LRMDA: variants seen among roughly 807,000 people sequenced by gnomAD.
The protein encoded by LRMDA is leucine rich melanocyte differentiation associated.
LRMDA carries 18 observed loss-of-function variants against 29.8 expected under a neutral mutation model. The observed-to-expected ratio is 0.60, with a 90% CI of 0.42 to 0.90. The LOEUF is 0.90. Ranked by LOEUF, LRMDA falls within the 40% of genes least tolerant of loss-of-function variation. The pLI, the probability that LRMDA is intolerant of heterozygous loss-of-function variation, is 0.00. For synonymous variants in LRMDA, 125 were observed against 109.4 expected, an observed-to-expected ratio of 1.14 and a Z score of -0.89; for missense variants, 273 against 273.9, an observed-to-expected ratio of 1.00 and a Z score of 0.02.
At chr10:76,236,997 C>A (rs1337355818) in intron 5 of LRMDA, among the ~76,000 whole-genome samples, 1 of 151,980 alleles carries the variant, frequency 6.6e-6, no homozygotes, top group African/African-American at 2.4e-5. Flanking sequence ...ATGAAAATAC[C>A]TGATTTTTTA....
At chr10:76,396,697 G>C (rs1841788211) in intron 6 of LRMDA, 1 of 152,188 alleles carries the variant, frequency 6.6e-6, no homozygotes, top group Admixed American at 6.5e-5. Flanking sequence ...CAAATAACTA[G>C]ATATGTGTTG....
rs560164906 is a variant in LRMDA at position 75,865,991 on chromosome 10, C to T, written c.132-170017C>T. Among the ~76,000 whole-genome samples, 18 of 152,246 alleles carry T rather than the reference C, an allele frequency of 1.2e-4. No individual in the cohort carries two copies. The South Asian group carries it at 3.5e-3, about 30-fold the overall frequency. ...AAATTTACGTCTAGTAGCTCTTTTTCATTTAGTAGTTAATCTTTTAACAGA... is the reference window on the plus strand; with the variant it reads ...AAATTTACGTCTAGTAGCTCTTTTTTATTTAGTAGTTAATCTTTTAACAGA... On this transcript the variant is annotated intron_variant, in intron 2 of 6. Coordinates refer to ENST00000611255, the MANE Select transcript of LRMDA (RefSeq NM_001305581.2).
chr10:75,666,921 A>G (rs1271808982), intron 2 of LRMDA, among the ~76,000 whole-genome samples: 2 of 152,218 alleles, frequency 1.3e-5, no homozygotes, highest in Non-Finnish European at 2.9e-5. Flanking sequence ...TGAGAAATAA[A>G]TAATGGTGTA....
At chr10:76,333,262 T>A (rs1840926022) in intron 6 of LRMDA, among the ~76,000 whole-genome samples, 1 of 152,172 alleles carries the variant, frequency 6.6e-6, no homozygotes, top group Non-Finnish European at 1.5e-5. Flanking sequence ...CAGAAGGGTT[T>A]ATATTTTATT....
intron 2 of LRMDA, among the ~76,000 whole-genome samples, chr10:75,950,597 C>T (rs567115191): frequency 6.4e-4 from 98 of 152,206 alleles, no homozygotes; most frequent in Non-Finnish European, 1.2e-3. Flanking sequence ...AACATCAGAG[C>T]CATCACTCCT....
At position 76,284,074 on chromosome 10, in the gene LRMDA, C is replaced by T. The variant is rs927386520; in HGVS notation, c.517-40327C>T. On this transcript the variant is annotated intron_variant, in intron 5 of 6. Transcript: ENST00000611255. ...AGAGCTCAGGTCATTTCTTTTTCCA[C>T]GAAAGTACCTAAAGTTTGGGATGTT... Among the ~76,000 whole-genome samples, 8 of 152,096 alleles carry T rather than the reference C, an allele frequency of 5.3e-5. No individual in the cohort carries two copies. In the East Asian group the frequency reaches 5.8e-4, roughly 11 times the overall value.
intron 2 of LRMDA, among the ~76,000 whole-genome samples, chr10:75,626,286 C>G (rs969159781): frequency 6.6e-6 from 1 of 152,172 alleles, no homozygotes; most frequent in African/African-American, 2.4e-5. Flanking sequence ...CATGGAATGA[C>G]AGCCCGACAT....
intron 2 of LRMDA, among the ~76,000 whole-genome samples, chr10:75,927,933 A>G (rs1264027076): frequency 6.6e-6 from 1 of 152,182 alleles, no homozygotes; most frequent in Non-Finnish European, 1.5e-5. Flanking sequence ...AACAGTAATA[A>G]TAATGCTACC....
chr10:76,424,357 G>A (rs769712544), intron 6 of LRMDA, among the ~76,000 whole-genome samples: 3 of 151,870 alleles, frequency 2.0e-5, no homozygotes, highest in Admixed American at 1.3e-4. Flanking sequence ...GTGAAACCCT[G>A]TCTCTACTAA....
chr10:75,794,948 T>A (rs1843627395), intron 2 of LRMDA, among the ~76,000 whole-genome samples: 1 of 150,956 alleles, frequency 6.6e-6, no homozygotes, highest in Admixed American at 6.6e-5. Context: ...ATTTATCATT[T>A]TTTTTTTTTG....
At chr10:76,352,512 C>G (rs768659857) in intron 6 of LRMDA, among the ~76,000 whole-genome samples, 1 of 152,022 alleles carries the variant, frequency 6.6e-6, no homozygotes, top group Non-Finnish European at 1.5e-5. Flanking sequence ...AGCGATGACT[C>G]ACATCCTGGG....
chr10:76,295,131 A>G (rs1007189349), intron 5 of LRMDA, among the ~76,000 whole-genome samples: 2 of 152,208 alleles, frequency 1.3e-5, no homozygotes, highest in African/African-American at 4.8e-5. Flanking sequence ...TGTAAAGGAG[A>G]AACCTAGGAC....
intron 5 of LRMDA, among the ~76,000 whole-genome samples, chr10:76,197,207 TA>T (rs928200342): frequency 4.1e-4 from 62 of 152,306 alleles, no homozygotes; most frequent in African/African-American, 1.4e-3. Context: ...ACCAGTGGTT[TA>T]AAAAAATTAT....
chr10:76,161,228 A>G (rs1437517668), intron 5 of LRMDA, among the ~76,000 whole-genome samples: 1 of 152,188 alleles, frequency 6.6e-6, no homozygotes, highest in Non-Finnish European at 1.5e-5. Context: ...TGAATGAGCA[A>G]TAACACCGGA....
chr10:75,774,787 A>G (rs987864689), intron 2 of LRMDA, among the ~76,000 whole-genome samples: 1 of 152,224 alleles, frequency 6.6e-6, no homozygotes, highest in African/African-American at 2.4e-5. Context: ...CTAAATAACA[A>G]CGTACCCACG....
chr10:76,462,910 G>A (rs542948013), intron 6 of LRMDA, among the ~76,000 whole-genome samples: 1 of 152,280 alleles, frequency 6.6e-6, no homozygotes, highest in African/African-American at 2.4e-5. Context: ...CAAATGCTGT[G>A]CTCAATAACC....
chr10:75,442,078 C>T (rs558522765), intron 2 of LRMDA, among the ~76,000 whole-genome samples: 7 of 152,296 alleles, frequency 4.6e-5, no homozygotes, highest in South Asian at 2.1e-4. Context: ...TGTCATCTTC[C>T]AGAGATATTC....
chr10:75,959,629 C>T (rs1198939289), intron 2 of LRMDA, among the ~76,000 whole-genome samples: 1 of 152,092 alleles, frequency 6.6e-6, no homozygotes, highest in African/African-American at 2.4e-5. Flanking sequence ...TTTAGAAGGC[C>T]TCTACGATAT....
At chr10:76,384,381 T>A (rs566307995) in intron 6 of LRMDA, among the ~76,000 whole-genome samples, 1 of 152,330 alleles carries the variant, frequency 6.6e-6, no homozygotes, top group African/African-American at 2.4e-5. Flanking sequence ...GGAAATGATA[T>A]AAAGAAATGG....
Sources: gnomAD v4.1 joint callset for allele counts (sites outside exome capture counted in the v4.1 genomes callset) on GRCh38, gnomAD v4.1.1 for gene constraint, MANE v1.5 for transcripts, NCBI Gene and HGNC (gene_info 2026-07-23, HGNC 2026-07-21) for gene names.